Variants in OSBPL1A observed in about 807,000 individuals in gnomAD.
The protein encoded by OSBPL1A is oxysterol-binding protein-related protein 1.
A neutral mutation model predicts 137.1 loss-of-function variants in OSBPL1A; 80 were observed. The observed-to-expected ratio is 0.58, with a 90% CI of 0.49 to 0.70. The LOEUF is 0.70. OSBPL1A is among the 30% of genes least tolerant of loss of function. The pLI is 0.00. For missense variants in OSBPL1A, 970 were observed against 1,129.4 expected (o/e 0.86, Z 2.02); for synonymous variants, 365 against 389.7 (o/e 0.94, Z 0.75).
intron 17 of OSBPL1A, among the ~76,000 whole-genome samples, chr18:24,197,880 G>A (rs918627335): frequency 3.4e-5 from 5 of 149,120 alleles, no homozygotes; most frequent in African/African-American, 9.9e-5. Flanking sequence ...CCTGCCTCCC[G>A]GGTTCAAGCG....
intron 4 of OSBPL1A, among the ~76,000 whole-genome samples, chr18:24,359,091 G>A (rs554316439): frequency 3.2e-4 from 48 of 152,214 alleles, no homozygotes; most frequent in Middle Eastern, 3.4e-3. Flanking sequence ...AGTGGCACAT[G>A]CCTGTGGTCC....
At chr18:24,256,104 A>G (rs2089266535) in intron 15 of OSBPL1A, among the ~76,000 whole-genome samples, 1 of 152,150 alleles carries the variant, frequency 6.6e-6, no homozygotes, top group Non-Finnish European at 1.5e-5. Flanking sequence ...AAAACTTTCT[A>G]AATTAACTGA....
At chr18:24,392,910 C>G (rs547137768) in intron 1 of OSBPL1A, among the ~76,000 whole-genome samples, 1 of 152,130 alleles carries the variant, frequency 6.6e-6, no homozygotes, top group African/African-American at 2.4e-5. Context: ...AGGCTGGTCT[C>G]GAACTCCTGG....
chr18:24,170,671 G>A, intron 23 of OSBPL1A: 1 of 514,940 alleles, frequency 1.9e-6, no homozygotes, highest in South Asian at 2.2e-5. Context: ...ACGACTCACA[G>A]AGTCTCACTC....
chr18:24,375,411 A>C (rs1372236253), intron 2 of OSBPL1A, among the ~76,000 whole-genome samples: 1 of 151,860 alleles, frequency 6.6e-6, no homozygotes, highest in East Asian at 1.9e-4. Flanking sequence ...GTTTATTACA[A>C]TACCAGAGCC....
At chr18:24,279,501 G>A (rs897459172) in intron 15 of OSBPL1A, among the ~76,000 whole-genome samples, 1 of 151,948 alleles carries the variant, frequency 6.6e-6, no homozygotes, top group Non-Finnish European at 1.5e-5. Flanking sequence ...AGATTTTTAC[G>A]TATTAGAGGA....
intron 14 of OSBPL1A, among the ~76,000 whole-genome samples, chr18:24,282,462 T>C (rs943646115): frequency 1.3e-5 from 2 of 152,188 alleles, no homozygotes. Flanking sequence ...CCATTGAGTA[T>C]ATGTTTAAGT....
rs201880387 is a variant in OSBPL1A at position 24,256,964 on chromosome 18, C to CAAAAAAAAAA, written c.1282-17592_1282-17583dup. On this transcript the variant is annotated intron_variant, in intron 15 of 27. Coordinates refer to ENST00000319481, the MANE Select transcript of OSBPL1A (RefSeq NM_080597.4). ...GCTGATGAAAGAACTGAAGAGGATG[C>CAAAAAAAAAA]AAAAAAAAAAAAAAAAAAAAAAAAA... Among the ~76,000 whole-genome samples the CAAAAAAAAAA allele has an allele frequency of 3.7e-4, 11 of 29,514 alleles. 2 individuals carry two copies. Among genetic ancestry groups the CAAAAAAAAAA allele is most frequent in the Non-Finnish European group, 6.1e-4 (9 of 14,698 alleles). The allele number at this position is 29,514 out of a possible 152,430, so 19.4% of individuals were successfully genotyped here. A position where few individuals can be genotyped will look rare whatever the true frequency, so the allele number is the denominator to read the frequency against.
chr18:24,171,533 A>G, intron 22 of OSBPL1A, 35 bp from the exon 23 acceptor site: 2 of 1,503,162 alleles, frequency 1.3e-6, no homozygotes, highest in South Asian at 1.2e-5. Flanking sequence ...ATTATCATTT[A>G]TTAGCAAAGC....
chr18:24,314,690 G>A (rs756041577), intron 11 of OSBPL1A, among the ~76,000 whole-genome samples: 2 of 151,952 alleles, frequency 1.3e-5, no homozygotes, highest in East Asian at 1.9e-4. Context: ...ATTCATACCC[G>A]TCGCCTTACC....
At chr18:24,337,458 C>T (rs1341549764) in intron 5 of OSBPL1A, among the ~76,000 whole-genome samples, 2 of 135,480 alleles carry the variant, frequency 1.5e-5, no homozygotes, top group Admixed American at 7.2e-5. Flanking sequence ...ATAGTCCTAA[C>T]TACTTGGGAG....
intron 5 of OSBPL1A, among the ~76,000 whole-genome samples, chr18:24,335,433 T>C (rs759518333): frequency 6.6e-6 from 1 of 152,184 alleles, no homozygotes; most frequent in Admixed American, 6.6e-5. Context: ...CATGCTCTTA[T>C]CACTACGCTT....
At chr18:24,384,849 C>T (rs1474852647) in intron 1 of OSBPL1A, among the ~76,000 whole-genome samples, 13 of 144,510 alleles carry the variant, frequency 9.0e-5, no homozygotes, top group Non-Finnish European at 1.3e-4. Flanking sequence ...ACCCCAGCCT[C>T]GGCGACAAGA....
intron 17 of OSBPL1A, among the ~76,000 whole-genome samples, chr18:24,214,269 G>T (rs1177674671): frequency 6.6e-6 from 1 of 152,212 alleles, no homozygotes; most frequent in Non-Finnish European, 1.5e-5. Context: ...GAACAACAGA[G>T]AGATTAATGC....
intron 26 of OSBPL1A, 98 bp downstream of exon 26, chr18:24,166,481 G>A (rs2086148107): frequency 7.8e-6 from 11 of 1,404,332 alleles, no homozygotes; most frequent in East Asian, 5.1e-5. Context: ...GACTAAAAAC[G>A]CTAGTACCCC....
At chr18:24,380,391 T>A (rs921578789) in intron 1 of OSBPL1A, among the ~76,000 whole-genome samples, 2 of 152,196 alleles carry the variant, frequency 1.3e-5, no homozygotes, top group African/African-American at 4.8e-5. Flanking sequence ...CATATTTGGT[T>A]TATCTGGCCC....
chr18:24,377,669 C>T (rs891136591), intron 1 of OSBPL1A, 134 bp from the exon 2 acceptor site: 1 of 910,768 alleles, frequency 1.1e-6, no homozygotes, highest in East Asian at 2.7e-5. Flanking sequence ...TGAATAAATC[C>T]GTTGCAGGGT....
At chr18:24,353,973 C>A (rs964715512) in intron 4 of OSBPL1A, among the ~76,000 whole-genome samples, 5 of 151,118 alleles carry the variant, frequency 3.3e-5, no homozygotes, top group Non-Finnish European at 7.4e-5. Flanking sequence ...TGCTAAATGA[C>A]CAGTTAATGG....
intron 11 of OSBPL1A, among the ~76,000 whole-genome samples, chr18:24,314,651 T>G (rs1486042625): frequency 6.6e-6 from 1 of 152,204 alleles, no homozygotes; most frequent in East Asian, 1.9e-4. Flanking sequence ...GGTTATAAAA[T>G]CGTTTAGCTA....
Sources: allele counts gnomAD v4.1 joint callset (sites outside exome capture counted in the v4.1 genomes callset), GRCh38; gene constraint gnomAD v4.1.1; transcripts MANE v1.5; gene names NCBI Gene and HGNC (gene_info 2026-07-23, HGNC 2026-07-21).